Variants in LYRM1 observed in about 807,000 individuals in gnomAD.
LYRM1 encodes LYR motif-containing protein 1.
A neutral mutation model predicts 14.9 loss-of-function variants in LYRM1; 14 were observed. The observed-to-expected ratio is 0.94, with a 90% CI of 0.62 to 1.47. The LOEUF (loss-of-function observed/expected upper bound fraction) is 1.47. Ranked by LOEUF, LYRM1 falls within the 40% of genes most tolerant of loss-of-function variation. The pLI, the probability that LYRM1 is intolerant of heterozygous loss-of-function variation, is 0.00. For missense variants in LYRM1, 153 were observed against 149.9 expected (o/e 1.02, Z -0.11); for synonymous variants, 43 against 56.2 (o/e 0.77, Z 1.05).
intron 3 of LYRM1, among the ~76,000 whole-genome samples, chr16:20,920,903 CTTAAAT>C (rs1195150511): frequency 2.0e-5 from 3 of 147,356 alleles, no homozygotes; most frequent in African/African-American, 7.5e-5. Context: ...ATAAATAAAA[CTTAAAT>C]TTATATATAT....
At chr16:20,916,388 A>T (rs2082901787) in intron 2 of LYRM1, among the ~76,000 whole-genome samples, 1 of 151,968 alleles carries the variant, frequency 6.6e-6, no homozygotes, top group African/African-American at 2.4e-5. Context: ...AGGCTTTCAC[A>T]CCCGACTTCT....
At chr16:20,917,999 AG>A (rs899548288) in intron 2 of LYRM1, among the ~76,000 whole-genome samples, 148 of 152,136 alleles carry the variant, frequency 9.7e-4, no homozygotes, top group African/African-American at 3.5e-3. Context: ...GACCTCCTCC[AG>A]GAAATCTTCC....
intron 2 of LYRM1, among the ~76,000 whole-genome samples, 188 bp from the exon 3 acceptor site, chr16:20,919,934 T>C (rs1231445953): frequency 1.3e-5 from 2 of 152,224 alleles, no homozygotes; most frequent in Admixed American, 1.3e-4. Flanking sequence ...ATTTGAATTA[T>C]TTTTACCTAC....
At chr16:20,910,061 T>C (rs1044645747) in intron 1 of LYRM1, among the ~76,000 whole-genome samples, 3 of 151,998 alleles carry the variant, frequency 2.0e-5, no homozygotes, top group Non-Finnish European at 4.4e-5. Context: ...TTCTGAGACA[T>C]CCATATTTTC....
At chr16:20,907,337 C>T (rs548368444) in intron 1 of LYRM1, among the ~76,000 whole-genome samples, 53 of 152,238 alleles carry the variant, frequency 3.5e-4, no homozygotes, top group African/African-American at 1.3e-3. Flanking sequence ...TTCCCAAAGG[C>T]TCTTGTTGCA....
At chr16:20,905,521 G>A (rs1022717785) in intron 1 of LYRM1, among the ~76,000 whole-genome samples, 1 of 152,308 alleles carries the variant, frequency 6.6e-6, no homozygotes, top group Non-Finnish European at 1.5e-5. Flanking sequence ...TTTCAATTCT[G>A]TAGAGGTTTT....
At chr16:20,907,326 T>C (rs759278640) in intron 1 of LYRM1, among the ~76,000 whole-genome samples, 1 of 152,212 alleles carries the variant, frequency 6.6e-6, no homozygotes, top group Non-Finnish European at 1.5e-5. Flanking sequence ...CTGTGGCCCC[T>C]TTCCCAAAGG....
rs1379181351 is a variant in LYRM1, at chr16:20,909,875, G to T, written c.1-5681G>T. Among the ~76,000 whole-genome samples the T allele has an allele frequency of 2.0e-5, 3 of 152,168 alleles. No homozygotes were observed. The East Asian group carries it at 5.8e-4, about 29-fold the overall frequency. On this transcript the variant is annotated intron_variant, in intron 1 of 3. Transcript: ENST00000567954. ...TACCTTTCTAGGTGCTGAGAATTCA[G>T]CAGTAAAGAAGATGAATGTGATCAT...
chr16:20,907,159 GAT>G (rs2082362295), intron 1 of LYRM1, among the ~76,000 whole-genome samples: 1 of 148,204 alleles, frequency 6.7e-6, no homozygotes, highest in African/African-American at 2.6e-5. Flanking sequence ...AAGTAGTTAT[GAT>G]ATACAGTAGT....
At chr16:20,920,330 A>G in intron 3 of LYRM1, 116 bp downstream of exon 3, 1 of 794,446 alleles carries the variant, frequency 1.3e-6, no homozygotes, top group Non-Finnish European at 2.2e-6. Context: ...CTGCTGTGGG[A>G]GGCATGTTGG....
intron 1 of LYRM1, among the ~76,000 whole-genome samples, chr16:20,907,985 A>C (rs2082406041): frequency 6.6e-6 from 1 of 152,198 alleles, no homozygotes. Context: ...GGTGTCTGGC[A>C]CATGGTGGAC....
At chr16:20,911,668 G>A (rs2082597739) in intron 1 of LYRM1, among the ~76,000 whole-genome samples, 1 of 151,906 alleles carries the variant, frequency 6.6e-6, no homozygotes, top group African/African-American at 2.4e-5. Context: ...GAATCTTCCA[G>A]TAGTGGGACT....
intron 1 of LYRM1, among the ~76,000 whole-genome samples, chr16:20,903,954 TGGCTGG>T (rs1487452538): frequency 1.5e-5 from 2 of 135,522 alleles, no homozygotes; most frequent in Non-Finnish European, 3.3e-5. Context: ...TGAAAGATCC[TGGCTGG>T]GGAGTTATGA....
chr16:20,918,429 A>G (rs1255271410), intron 2 of LYRM1, among the ~76,000 whole-genome samples: 2 of 152,206 alleles, frequency 1.3e-5, no homozygotes, highest in Non-Finnish European at 2.9e-5. Flanking sequence ...TTGCTTTAGC[A>G]TGTGTTATAA....
intron 1 of LYRM1, among the ~76,000 whole-genome samples, chr16:20,910,054 T>A (rs1355354649): frequency 6.6e-6 from 1 of 152,158 alleles, no homozygotes; most frequent in Non-Finnish European, 1.5e-5. Context: ...GAAGATTTTC[T>A]GAGACATCCA....
intron 2 of LYRM1, among the ~76,000 whole-genome samples, chr16:20,919,878 A>G (rs1330013580): frequency 6.6e-6 from 1 of 152,242 alleles, no homozygotes; most frequent in East Asian, 1.9e-4. Flanking sequence ...ACTGGAATAG[A>G]GGAGTAAGAG....
chr16:20,907,190 A>T (rs1035398455), intron 1 of LYRM1, among the ~76,000 whole-genome samples: 6 of 152,172 alleles, frequency 3.9e-5, no homozygotes, highest in Non-Finnish European at 2.9e-5. Context: ...CAGTGTATTT[A>T]AAAAGATATA....
intron 1 of LYRM1, among the ~76,000 whole-genome samples, chr16:20,907,022 G>C (rs2082355473): frequency 6.6e-6 from 1 of 152,164 alleles, no homozygotes; most frequent in Non-Finnish European, 1.5e-5. Context: ...CTCCAAAATA[G>C]AAAAGCTTGT....
At position 20,924,114 on chromosome 16, in the gene LYRM1, TA is replaced by T; in HGVS notation, c.369del (p.Ter123TyrfsTer28). ...TCTCAGATCTCATGATGAAGTTTCC[TA>T]ATCTAGAGGAAAGTTTATTTCTGCA... is the stretch of plus-strand genomic sequence containing the variant. ...VYLRSHDEVS[*>X] is the part of the protein sequence containing the mutation. On this transcript the variant is annotated frameshift_variant and stop_lost, in exon 4 of 4. Transcript: ENST00000567954. LOFTEE classifies it high-confidence loss of function. 1 of 1,543,564 alleles carries T rather than the reference TA, an allele frequency of 6.5e-7. No homozygotes were observed. The highest frequency in any genetic ancestry group is 8.9e-7 in the Non-Finnish European group (1 of 1,121,158).
Sources: allele counts gnomAD v4.1 joint callset (sites outside exome capture counted in the v4.1 genomes callset), GRCh38; gene constraint gnomAD v4.1.1; transcripts MANE v1.5; gene names NCBI Gene and HGNC (gene_info 2026-07-23, HGNC 2026-07-21).